EPAS1: variants seen among roughly 807,000 people sequenced by gnomAD.
EPAS1 encodes the protein endothelial PAS domain-containing protein 1.
Under a neutral mutation model 87.9 loss-of-function variants are expected in EPAS1, and 23 were observed. The ratio of observed to expected loss-of-function variants is 0.26; its 90% CI spans 0.19 to 0.37. EPAS1 has a LOEUF of 0.37. Among genes scored for constraint, EPAS1 ranks in the 10% least tolerant of loss-of-function variants. EPAS1 has a pLI of 1.00. For missense variants in EPAS1, 1,138 were observed against 1,120.7 expected (o/e 1.02, Z -0.22); for synonymous variants, 508 against 444.3 (o/e 1.14, Z -1.80).
intron 1 of EPAS1, among the ~76,000 whole-genome samples, chr2:46,314,374 C>T (rs750672467): frequency 1.1e-4 from 17 of 152,214 alleles, no homozygotes; most frequent in African/African-American, 3.9e-4. Context: ...AACACCACTG[C>T]CTGTACCTCC....
intron 1 of EPAS1, among the ~76,000 whole-genome samples, chr2:46,306,586 T>A (rs1683112411): frequency 6.6e-6 from 1 of 152,226 alleles, no homozygotes; most frequent in African/African-American, 2.4e-5. Flanking sequence ...TTCCTGTTAC[T>A]GAAGCACTTT....
Position 46,346,798 on chromosome 2 carries a change from A to T in EPAS1, c.27-75A>T. On this transcript the variant is annotated intron_variant, in intron 1 of 15. Transcript: ENST00000263734. The surrounding 1 kb of genome is among the most constrained non-coding windows in gnomAD (Gnocchi z 4.0). ...TGTGGCTGCACTGGGGGTTGGGGCCATGGGGATGTCCTGGCCAGAGGTATG... is the reference window on the plus strand; with the variant it reads ...TGTGGCTGCACTGGGGGTTGGGGCCTTGGGGATGTCCTGGCCAGAGGTATG... 1.3e-6 allele frequency: 2 copies of T among 1,534,736 alleles called. No individual in the cohort carries two copies. The highest frequency in any genetic ancestry group is 2.7e-5 in the African/African-American group (2 of 73,446).
At chr2:46,381,258 C>G in intron 12 of EPAS1, 3 of 394,604 alleles carry the variant, frequency 7.6e-6, no homozygotes, top group South Asian at 4.3e-5. Context: ...GCCGCTGGTA[C>G]TTGCCCTTTA....
At position 46,375,858 on chromosome 2, in the gene EPAS1, G is replaced by A. The variant is rs771430541; in HGVS notation, c.1034+21G>A. 1.4e-5 allele frequency: 23 copies of A among 1,613,934 alleles called. No homozygotes were observed. Among genetic ancestry groups the A allele is most frequent in the Non-Finnish European group, 1.9e-5 (22 of 1,180,024 alleles). Reference sequence around the variant, plus strand: ...CTGAGGTAAGCATGTGAGGGCTGGCGGGCCTTGGTGCAGGGTATGTGGGGG... The same window carrying A: ...CTGAGGTAAGCATGTGAGGGCTGGCAGGCCTTGGTGCAGGGTATGTGGGGG... On this transcript the variant is annotated intron_variant, in intron 8 of 15. Transcript: ENST00000263734. The surrounding 1 kb of genome is among the most constrained non-coding windows in gnomAD (Gnocchi z 4.1).
intron 1 of EPAS1, among the ~76,000 whole-genome samples, chr2:46,324,068 T>C (rs1013421604): frequency 3.3e-5 from 5 of 152,310 alleles, no homozygotes; most frequent in African/African-American, 1.2e-4. Context: ...TTATGGTTTT[T>C]TTGTTTGTTT....
At chr2:46,362,968 G>GGTGGTA (rs1558603074) in intron 6 of EPAS1, among the ~76,000 whole-genome samples, 7 of 115,568 alleles carry the variant, frequency 6.1e-5, no homozygotes, top group Non-Finnish European at 3.5e-5. Flanking sequence ...TGGTGGTGGT[G>GGTGGTA]GTGGTGGTAG....
chr2:46,365,993 ACT>A (rs1293574723), intron 6 of EPAS1, among the ~76,000 whole-genome samples: 2 of 152,030 alleles, frequency 1.3e-5, no homozygotes, highest in South Asian at 2.1e-4. Context: ...CAGTTTAAAT[ACT>A]CTCTCACCAT....
chr2:46,356,091 C>T (rs2103628002), intron 2 of EPAS1, 60 bp from the exon 3 acceptor site: 1 of 1,542,912 alleles, frequency 6.5e-7, no homozygotes, highest in South Asian at 1.1e-5. Context: ...CTATCTGTGC[C>T]AGTCCCATCT....
At chr2:46,309,220 G>A (rs764470843) in intron 1 of EPAS1, among the ~76,000 whole-genome samples, 6 of 152,238 alleles carry the variant, frequency 3.9e-5, no homozygotes, top group East Asian at 1.9e-4. Context: ...CATGCGTAGA[G>A]CAGGGTTTGT....
intron 1 of EPAS1, among the ~76,000 whole-genome samples, chr2:46,319,378 T>C (rs948533833): frequency 2.6e-5 from 4 of 152,214 alleles, no homozygotes; most frequent in Admixed American, 6.5e-5. Context: ...TTAATTTTAA[T>C]TGGTTATTGT....
At chr2:46,381,828 G>C in intron 13 of EPAS1, 106 bp downstream of exon 13, 1 of 1,571,470 alleles carries the variant, frequency 6.4e-7, no homozygotes, top group Non-Finnish European at 8.6e-7. Context: ...ATAGCCCTTA[G>C]GGAACCCAGG....
At chr2:46,370,848 CT>C (rs566575383) in intron 7 of EPAS1, among the ~76,000 whole-genome samples, 2 of 152,324 alleles carry the variant, frequency 1.3e-5, no homozygotes, top group African/African-American at 4.8e-5. Flanking sequence ...CGACTCATCA[CT>C]GTGCAAGGGC....
chr2:46,380,831 C>T lies in EPAS1; in HGVS notation c.2045+114C>T. On this transcript the variant is annotated intron_variant, in intron 12 of 15. Transcript: ENST00000263734. This position sits in a 1 kb window ranked among gnomAD's most constrained non-coding sequence, Gnocchi z 4.4. Reference sequence around the variant, plus strand: ...CCCTCTCCCCAGCCATCTGATACCCCATTTAGCCCTTCTCTGAGCTCAGAC... The same window carrying T: ...CCCTCTCCCCAGCCATCTGATACCCTATTTAGCCCTTCTCTGAGCTCAGAC... The T allele has an allele frequency of 1.3e-6, 2 of 1,546,156 alleles. No homozygotes were observed. The highest frequency in any genetic ancestry group is 2.2e-5 in the East Asian group (1 of 44,590).
intron 1 of EPAS1, among the ~76,000 whole-genome samples, chr2:46,313,231 C>T (rs1683248430): frequency 1.3e-5 from 2 of 152,142 alleles, no homozygotes; most frequent in South Asian, 4.1e-4. Flanking sequence ...CAGCTCTGGC[C>T]TCTGATCCTT....
intron 6 of EPAS1, among the ~76,000 whole-genome samples, chr2:46,367,516 G>C (rs1462445452): frequency 1.3e-5 from 2 of 152,242 alleles, no homozygotes; most frequent in Non-Finnish European, 1.5e-5. Flanking sequence ...GCACTGTTCT[G>C]TCTCCTTGTT....
chr2:46,380,134 T>G lies in EPAS1; in HGVS notation c.1555-93T>G. On this transcript the variant is annotated intron_variant, in intron 11 of 15. Transcript: ENST00000263734. The surrounding 1 kb of genome is among the most constrained non-coding windows in gnomAD (Gnocchi z 4.4). The stretch of plus-strand genomic sequence containing the variant: ...TTGAGCAGCACTGTGAAACAGTGCT[T>G]GAGATGAATGGCTCTGCAGGAGCTG... 6.5e-4 allele frequency: 1,022 copies of G among 1,573,388 alleles called. No homozygotes were observed. The highest frequency in any genetic ancestry group is 8.3e-4 in the Middle Eastern group (5 of 5,994).
chr2:46,333,762 A>C (rs1683733159), intron 1 of EPAS1, among the ~76,000 whole-genome samples: 1 of 151,896 alleles, frequency 6.6e-6, no homozygotes, highest in Non-Finnish European at 1.5e-5. Flanking sequence ...GGGAGCGACA[A>C]GCTGAAAATG....
intron 1 of EPAS1, among the ~76,000 whole-genome samples, chr2:46,328,348 C>G (rs1245210296): frequency 2.0e-5 from 3 of 152,194 alleles, no homozygotes; most frequent in Non-Finnish European, 4.4e-5. Context: ...TTCCCCCATA[C>G]CACTCTTCGT....
chr2:46,342,241 C>G (rs189729642), intron 1 of EPAS1, among the ~76,000 whole-genome samples: 1 of 152,212 alleles, frequency 6.6e-6, no homozygotes, highest in South Asian at 2.1e-4. Flanking sequence ...ACCAGTGACT[C>G]TTTCTCATCT....
Sources: allele counts gnomAD v4.1 joint callset (sites outside exome capture counted in the v4.1 genomes callset), GRCh38; gene constraint gnomAD v4.1.1; non-coding constraint Gnocchi (gnomAD v3.1); transcripts MANE v1.5; gene names NCBI Gene and HGNC (gene_info 2026-07-23, HGNC 2026-07-21).